The following MACROD2 variants were observed in gnomAD, a reference collection of about 807,000 sequenced individuals.
The protein encoded by MACROD2 is mono-ADP ribosylhydrolase 2, also known as ADP-ribose glycohydrolase MACROD2.
A neutral mutation model predicts 70.4 loss-of-function variants in MACROD2; 36 were observed. The observed-to-expected ratio is 0.51, with a 90% CI of 0.39 to 0.68. The LOEUF is 0.68. Ranked by LOEUF, MACROD2 falls within the 30% of genes least tolerant of loss-of-function variation. The pLI is 0.00. For missense variants in MACROD2, 496 were observed against 538.4 expected, an observed-to-expected ratio of 0.92 and a Z score of 0.78; for synonymous variants, 172 against 178.8, an observed-to-expected ratio of 0.96 and a Z score of 0.30.
intron 6 of MACROD2, among the ~76,000 whole-genome samples, chr20:15,387,788 G>C (rs2045738820): frequency 6.6e-6 from 1 of 150,478 alleles, no homozygotes; most frequent in Non-Finnish European, 1.5e-5. Context: ...ATCCAAGCTG[G>C]AGTGAGTGGG....
intron 3 of MACROD2, among the ~76,000 whole-genome samples, chr20:14,423,755 A>ATTTTTTTTT (rs1165796772): frequency 0.052 from 3,267 of 63,044 alleles, 278 homozygotes; most frequent in Non-Finnish European, 0.075. Flanking sequence ...GACATCTTAA[A>ATTTTTTTTT]TTTTTTTTTT....
intron 8 of MACROD2, among the ~76,000 whole-genome samples, chr20:15,678,415 A>G (rs1238808159): frequency 2.0e-5 from 3 of 151,094 alleles, no homozygotes; most frequent in African/African-American, 7.3e-5. Context: ...GCTGGAGTGC[A>G]GTGGCATGAT....
At position 14,034,129 on chromosome 20, in the gene MACROD2, AC is replaced by A. The variant is rs565178365; in HGVS notation, c.163+31727del. On this transcript the variant is annotated intron_variant, in intron 2 of 17. Coordinates refer to ENST00000684519, the MANE Select transcript of MACROD2 (RefSeq NM_001351661.2). ...TGGGACTACAGGCGCCCGCCACCAC[AC>A]CAGGCTAATTTCTTTTTGTATTTTT... Among the ~76,000 whole-genome samples the A allele has an allele frequency of 7.7e-3, 1,166 of 151,914 alleles. 18 individuals are homozygous for A. The highest frequency in any genetic ancestry group is 0.026 in the African/African-American group (1,072 of 41,448).
At chr20:14,086,376 G>A (rs1162702087) in intron 3 of MACROD2, among the ~76,000 whole-genome samples, 2 of 152,122 alleles carry the variant, frequency 1.3e-5, no homozygotes, top group Non-Finnish European at 2.9e-5. Flanking sequence ...CAAAAATATT[G>A]TAAATGAGAG....
chr20:15,800,578 A>G (rs2063715034), intron 8 of MACROD2, among the ~76,000 whole-genome samples: 2 of 152,164 alleles, frequency 1.3e-5, no homozygotes, highest in South Asian at 4.1e-4. Flanking sequence ...TTTGTTGAAA[A>G]TCAGTTGGCT....
chr20:15,109,380 C>T (rs1243065073), intron 5 of MACROD2, among the ~76,000 whole-genome samples: 2 of 152,016 alleles, frequency 1.3e-5, no homozygotes, highest in Non-Finnish European at 2.9e-5. Context: ...ATTTTAATTA[C>T]CTAGATATCT....
chr20:14,310,476 C>T (rs373610110), intron 3 of MACROD2, among the ~76,000 whole-genome samples: 5 of 152,108 alleles, frequency 3.3e-5, no homozygotes, highest in Admixed American at 6.6e-5. Context: ...ACGCAGTACT[C>T]GCGTATTTGT....
At chr20:14,043,312 G>T (rs187936080) in intron 2 of MACROD2, among the ~76,000 whole-genome samples, 1 of 152,262 alleles carries the variant, frequency 6.6e-6, no homozygotes, top group East Asian at 1.9e-4. Context: ...TGCTGAAGTG[G>T]CTTACAGAAC....
chr20:14,901,032 T>A (rs1284830005), intron 5 of MACROD2, among the ~76,000 whole-genome samples: 1 of 152,090 alleles, frequency 6.6e-6, no homozygotes, highest in Non-Finnish European at 1.5e-5. Flanking sequence ...CAAGAAAACA[T>A]TTTACTGCAT....
chr20:15,288,946 C>G (rs1230521216), intron 6 of MACROD2, among the ~76,000 whole-genome samples: 8 of 151,952 alleles, frequency 5.3e-5, no homozygotes, highest in Non-Finnish European at 1.2e-4. Flanking sequence ...TTCTGGAGAA[C>G]CCTGATACAA....
intron 5 of MACROD2, chr20:14,905,869 G>C (rs2073952675): frequency 1.3e-5 from 2 of 152,114 alleles, no homozygotes; most frequent in African/African-American, 4.8e-5. Flanking sequence ...ATCAGCTATG[G>C]TGAGATTCTT....
At chr20:14,577,642 C>A (rs1980686140) in intron 4 of MACROD2, among the ~76,000 whole-genome samples, 1 of 151,896 alleles carries the variant, frequency 6.6e-6, no homozygotes, top group Non-Finnish European at 1.5e-5. Context: ...ATTAGCCAGG[C>A]ATGGTGGTGT....
chr20:14,002,210 G>C, intron 1 of MACROD2, 78 bp from the exon 2 acceptor site: 1 of 881,578 alleles, frequency 1.1e-6, no homozygotes, highest in Non-Finnish European at 1.7e-6. Flanking sequence ...GCTTAACTTG[G>C]TTAATACTTA....
intron 3 of MACROD2, among the ~76,000 whole-genome samples, chr20:14,148,879 G>A (rs974841774): frequency 6.6e-6 from 1 of 152,068 alleles, no homozygotes; most frequent in Non-Finnish European, 1.5e-5. Flanking sequence ...GTAGTTAATA[G>A]GTCCCTCTTC....
At chr20:15,446,184 G>T (rs2046563507) in intron 7 of MACROD2, among the ~76,000 whole-genome samples, 1 of 152,008 alleles carries the variant, frequency 6.6e-6, no homozygotes, top group Non-Finnish European at 1.5e-5. Flanking sequence ...TGTTTATATG[G>T]ACTACCCCAC....
chr20:15,503,132 G>A (rs1438771988), intron 8 of MACROD2, among the ~76,000 whole-genome samples: 1 of 152,162 alleles, frequency 6.6e-6, no homozygotes, highest in Non-Finnish European at 1.5e-5. Flanking sequence ...AATCAGATGT[G>A]ATATATGACA....
intron 6 of MACROD2, among the ~76,000 whole-genome samples, chr20:15,342,357 G>A (rs950661518): frequency 6.6e-6 from 1 of 152,076 alleles, no homozygotes; most frequent in Admixed American, 6.6e-5. Flanking sequence ...GACTAGGATC[G>A]GTCAACTCCT....
At chr20:14,217,383 T>C (rs1319366652) in intron 3 of MACROD2, among the ~76,000 whole-genome samples, 1 of 152,362 alleles carries the variant, frequency 6.6e-6, no homozygotes, top group African/African-American at 2.4e-5. Context: ...GATTACCTTT[T>C]TGATATGTTG....
intron 8 of MACROD2, among the ~76,000 whole-genome samples, chr20:15,806,483 A>G (rs1354927527): frequency 6.6e-6 from 1 of 152,192 alleles, no homozygotes; most frequent in Non-Finnish European, 1.5e-5. Flanking sequence ...ACAGCTGCCC[A>G]GAATTTTTAT....
Sources: gnomAD v4.1 joint callset for allele counts (sites outside exome capture counted in the v4.1 genomes callset) on GRCh38, gnomAD v4.1.1 for gene constraint, MANE v1.5 for transcripts, NCBI Gene and HGNC (gene_info 2026-07-23, HGNC 2026-07-21) for gene names.